Variants in PPP4R2 observed in about 807,000 individuals in gnomAD.
PPP4R2 encodes the protein serine/threonine-protein phosphatase 4 regulatory subunit 2.
Under a neutral mutation model 47.2 loss-of-function variants are expected in PPP4R2, and 13 were observed. That is an observed-to-expected ratio of 0.28 (90% CI 0.18 to 0.44). The LOEUF (loss-of-function observed/expected upper bound fraction) is 0.44, where lower values mean the gene tolerates loss of function less well. Among genes scored for constraint, PPP4R2 ranks in the 20% least tolerant of loss-of-function variants. The pLI, the probability that PPP4R2 is intolerant of heterozygous loss-of-function variation, is 1.00. For missense variants in PPP4R2, 421 were observed against 491.2 expected, an observed-to-expected ratio of 0.86 and a Z score of 1.35; for synonymous variants, 151 against 163.3, an observed-to-expected ratio of 0.92 and a Z score of 0.57.
chr3:73,033,349 T>G (rs890515992), intron 2 of PPP4R2, among the ~76,000 whole-genome samples: 2 of 152,218 alleles, frequency 1.3e-5, no homozygotes, highest in African/African-American at 4.8e-5. Context: ...CCCTGGAGTT[T>G]TGTAGAATCT....
Position 73,037,079 on chromosome 3 carries a change from G to A in PPP4R2, c.117-10107G>A, listed in dbSNP as rs556387206. Among the ~76,000 whole-genome samples, 18 of 152,184 alleles carry A rather than the reference G, an allele frequency of 1.2e-4. No homozygotes were observed. The East Asian group carries it at 3.3e-3, about 28-fold the overall frequency. On this transcript the variant is annotated intron_variant, in intron 2 of 8. Transcript: ENST00000356692. ...TGAAATGATTATTGTCTTCTTTGCT[G>A]TATATCACATGGATTGGTCTTTGGG...
At chr3:73,013,955 C>G (rs923399247) in intron 2 of PPP4R2, among the ~76,000 whole-genome samples, 1 of 69,740 alleles carries the variant, frequency 1.4e-5, no homozygotes, top group Non-Finnish European at 4.1e-5. Context: ...ATTTGGATAT[C>G]TTACCAAAAC....
rs1254874065 is a variant in PPP4R2, at chr3:73,065,598, G to A, written c.1130G>A (p.Cys377Tyr). The A allele has an allele frequency of 6.8e-6, 11 of 1,613,298 alleles. No individual in the cohort carries two copies. Among genetic ancestry groups the A allele is most frequent in the Non-Finnish European group, 6.8e-6 (8 of 1,179,316 alleles). ...EGPVSSSSSD[C>Y]RETEELVGSN... The stretch of plus-strand genomic sequence containing the variant: ...CCTGTAAGTAGTAGTTCTTCTGACT[G>A]CCGTGAAACAGAAGAATTAGTAGGA... The change falls in exon 9 of 9, where the codon TGC (cysteine) becomes TAC (tyrosine). Residue 377 changes from cysteine to tyrosine, a missense_variant. Physicochemically the swap from Cys to Tyr is radical, Grantham distance 194 (BLOSUM62 -2). Transcript: ENST00000356692.
intron 2 of PPP4R2, among the ~76,000 whole-genome samples, chr3:73,006,524 G>C (rs1164343824): frequency 6.6e-6 from 1 of 152,114 alleles, no homozygotes; most frequent in Non-Finnish European, 1.5e-5. Context: ...GAGCACTCTC[G>C]TTGGTTTTGT....
intron 5 of PPP4R2, chr3:73,063,398 C>A: frequency 3.6e-6 from 1 of 276,544 alleles, no homozygotes; most frequent in South Asian, 5.7e-5. Flanking sequence ...CCGAGGTGGG[C>A]CGATCACTTG....
rs186870577 is a variant in PPP4R2 at position 73,062,749 on chromosome 3, C to A, written c.420-924C>A. On this transcript the variant is annotated intron_variant, in intron 5 of 8. Coordinates refer to ENST00000356692, the MANE Select transcript of PPP4R2 (RefSeq NM_174907.4). ...ATGATGGCATCTATTGGAAGACTTT[C>A]ACATGGTGAGAGTGCTGATCTGCTA... 455 of 1,613,996 alleles carry A rather than the reference C, an allele frequency of 2.8e-4. 4 individuals carry two copies. The African/African-American group carries it at 5.3e-3, about 19-fold the overall frequency.
In PPP4R2 at chr3:73,018,201, C is replaced by T. The variant is rs138679140; in HGVS notation, c.116+20043C>T. 4.1e-3 allele frequency among the ~76,000 whole-genome samples: 621 copies of T among 152,228 alleles called. 4 individuals carry two copies. Among genetic ancestry groups the T allele is most frequent in the African/African-American group, 0.014 (585 of 41,544 alleles). On this transcript the variant is annotated intron_variant, in intron 2 of 8. Transcript: ENST00000356692. The stretch of plus-strand genomic sequence containing the variant: ...CTTGACCCTTACACAACACAGGTTT[C>T]AACTGTGGGGGTCAACTTAAACATA...
intron 2 of PPP4R2, among the ~76,000 whole-genome samples, chr3:73,012,392 C>A (rs1215343994): frequency 6.6e-6 from 1 of 152,072 alleles, no homozygotes; most frequent in Non-Finnish European, 1.5e-5. Context: ...CTCTGGCTTC[C>A]GGGTTCACGC....
chr3:73,042,561 C>T (rs1397961895), intron 2 of PPP4R2, among the ~76,000 whole-genome samples: 1 of 151,910 alleles, frequency 6.6e-6, no homozygotes, highest in African/African-American at 2.4e-5. Flanking sequence ...GACAGGATTT[C>T]ACCATGTTGG....
chr3:73,039,799 T>A (rs576045396), intron 2 of PPP4R2, among the ~76,000 whole-genome samples: 5 of 152,224 alleles, frequency 3.3e-5, no homozygotes, highest in African/African-American at 1.2e-4. Context: ...ACGTCTGTAA[T>A]CCCAGCACTT....
chr3:73,014,991 GCCTCACCC>G (rs1701794168), intron 2 of PPP4R2: 1 of 684,722 alleles, frequency 1.5e-6, no homozygotes, highest in African/African-American at 1.8e-5. Flanking sequence ...GATGTAAGCA[GCCTCACCC>G]AGTCGTAATT....
chr3:73,015,961 T>C (rs1005939357), intron 2 of PPP4R2: 1 of 229,808 alleles, frequency 4.4e-6, no homozygotes, highest in South Asian at 3.9e-5. Context: ...AGAGACAGGG[T>C]TTCACCATGT....
chr3:73,067,618 T>C lies in PPP4R2; in HGVS notation c.*1896T>C, dbSNP rs1475355555. On this transcript the variant is annotated 3_prime_UTR_variant, in exon 9 of 9. Transcript: ENST00000356692. ...ATTTAAGTTTACAAATTTTGAAATT[T>C]TCTTTTGAATATTTATGAAATTGTC... The C allele has an allele frequency of 6.6e-6, 1 of 152,168 alleles. No individual in the cohort carries two copies. Among genetic ancestry groups the C allele is most frequent in the African/African-American group, 2.4e-5 (1 of 41,466 alleles). 9.4% of individuals were successfully genotyped at this position (152,168 alleles called of 1,614,324 possible).
In PPP4R2 at chr3:73,013,754, T is replaced by C. The variant is rs527672461; in HGVS notation, c.116+15596T>C. Among the ~76,000 whole-genome samples, 3 of 152,230 alleles carry C rather than the reference T, an allele frequency of 2.0e-5. No individual in the cohort carries two copies. The East Asian group carries it at 5.8e-4, about 29-fold the overall frequency. On this transcript the variant is annotated intron_variant, in intron 2 of 8. Transcript: ENST00000356692. ...CCTGGTTTCAAGCAATTTTTCTGCC[T>C]CAGCCTCCCGAGTAGGTGGGATTAC... is the stretch of plus-strand genomic sequence containing the variant.
chr3:73,014,902 C>T, intron 2 of PPP4R2: 2 of 648,912 alleles, frequency 3.1e-6, no homozygotes, highest in East Asian at 2.8e-5. Context: ...TGGGGTCTTG[C>T]TGTGTTGCCC....
rs553354352 is a variant in PPP4R2, at chr3:72,999,761, C to T, written c.116+1603C>T. On this transcript the variant is annotated intron_variant, in intron 2 of 8. Coordinates refer to ENST00000356692, the MANE Select transcript of PPP4R2 (RefSeq NM_174907.4). The stretch of plus-strand genomic sequence containing the variant: ...AGGACTTAAAATTCCCAATCCTCCA[C>T]CCCATATTCGGTGTTTATGTATTCA... 5.9e-5 allele frequency among the ~76,000 whole-genome samples: 9 copies of T among 152,308 alleles called. No individual in the cohort carries two copies. In the East Asian group the frequency reaches 1.5e-3, roughly 26 times the overall value.
chr3:73,062,860 A>T, intron 5 of PPP4R2: 1 of 1,613,738 alleles, frequency 6.2e-7, no homozygotes, highest in Non-Finnish European at 8.5e-7. Flanking sequence ...CTATTTGGAG[A>T]CTTTGAATCC....
intron 5 of PPP4R2, chr3:73,061,664 G>C (rs958648646): frequency 1.1e-5 from 2 of 180,164 alleles, no homozygotes; most frequent in South Asian, 2.5e-4. Context: ...GATGTGAAAG[G>C]CAGGGAGGGG....
At chr3:73,003,096 A>G (rs1008285925) in intron 2 of PPP4R2, among the ~76,000 whole-genome samples, 22 of 147,868 alleles carry the variant, frequency 1.5e-4, no homozygotes, top group African/African-American at 4.8e-4. Flanking sequence ...ACTGCCACCA[A>G]TATAATTACT....
Sources: allele counts gnomAD v4.1 joint callset (sites outside exome capture counted in the v4.1 genomes callset), GRCh38; gene constraint gnomAD v4.1.1; transcripts MANE v1.5; gene names NCBI Gene and HGNC (gene_info 2026-07-23, HGNC 2026-07-21).